EBNA1BP2: variants seen among roughly 807,000 people sequenced by gnomAD.
EBNA1BP2 encodes EBNA1 binding protein 2, also known as probable rRNA-processing protein EBP2.
In EBNA1BP2, 36 loss-of-function variants were observed where a neutral mutation model predicts 43.5. The ratio of observed to expected loss-of-function variants is 0.83; its 90% CI spans 0.63 to 1.09. The LOEUF (loss-of-function observed/expected upper bound fraction) is 1.09, where lower values mean the gene tolerates loss of function less well. Among genes scored for constraint, EBNA1BP2 ranks in the 50% least tolerant of loss-of-function variants. EBNA1BP2 has a pLI of 0.00. For missense variants in EBNA1BP2, 332 were observed against 379.1 expected (o/e 0.88, Z 1.03); for synonymous variants, 127 against 141.3 (o/e 0.90, Z 0.72).
Position 43,164,722 on chromosome 1 carries a change from C to T in EBNA1BP2, c.791G>A (p.Ser264Asn). The T allele has an allele frequency of 1.2e-6, 2 of 1,614,224 alleles. No homozygotes were observed. Among genetic ancestry groups the T allele is most frequent in the Non-Finnish European group, 1.7e-6 (2 of 1,180,042 alleles). The change falls in exon 8 of 9, where the codon AGC (serine) becomes AAC (asparagine). Residue 264 changes from serine (S) to asparagine (N), a missense_variant. Ser to Asn is a conservative substitution (Grantham distance 46). This residue lies in a region of EBNA1BP2 where 59 missense variants were observed against 53.3 expected (regional missense o/e 1.11). Coordinates refer to ENST00000236051, the MANE Select transcript of EBNA1BP2 (RefSeq NM_006824.3). ...KKGSKWNTRE[S>N]YDDVSSFRAK... is the part of the protein sequence containing the mutation. ...CCGGAAGCTAGATACATCATCATAG[C>T]TCTCCCGAGTGTTCCACTTTGAGCC...
chr1:43,171,132 A>C (rs2124172588), intron 3 of EBNA1BP2: 1 of 483,132 alleles, frequency 2.1e-6, no homozygotes, highest in African/African-American at 2.0e-5. Flanking sequence ...GTACCCATTA[A>C]CACAAACGAA....
At chr1:43,165,498 C>G (rs954788157) in intron 7 of EBNA1BP2, among the ~76,000 whole-genome samples, 8 of 152,234 alleles carry the variant, frequency 5.3e-5, no homozygotes, top group African/African-American at 1.9e-4. Flanking sequence ...CATTTCACCT[C>G]TTAAATGTTT....
At position 43,170,877 on chromosome 1, in the gene EBNA1BP2, T is replaced by TA. The variant is rs761581691; in HGVS notation, c.325dup (p.Tyr109LeufsTer27). 6.4e-7 allele frequency: 1 copy of TA among 1,567,316 alleles called. No homozygotes were observed. The highest frequency in any genetic ancestry group is 8.6e-7 in the Non-Finnish European group (1 of 1,163,130). ...AAGCACTGCGGCCTGGGCTTGGCGATAGCTGAGAATCGTAGGACAAAATGT... is the reference window on the plus strand; with the variant it reads ...AAGCACTGCGGCCTGGGCTTGGCGATAAGCTGAGAATCGTAGGACAAAATGT... On this transcript the variant is annotated frameshift_variant and splice_region_variant, in exon 4 of 9. Coordinates refer to ENST00000236051, the MANE Select transcript of EBNA1BP2 (RefSeq NM_006824.3). LOFTEE classifies it high-confidence loss of function.
chr1:43,172,262 C>T lies in EBNA1BP2; in HGVS notation c.-144G>A. On this transcript the variant is annotated 5_prime_UTR_variant, in exon 1 of 9. Coordinates refer to ENST00000236051, the MANE Select transcript of EBNA1BP2 (RefSeq NM_006824.3). ...TGGCTCCACGTGCCACCGAATCGCT[C>T]CAGCGCCAGCAACTCACAGCTACTG... is the stretch of plus-strand genomic sequence containing the variant. The T allele has an allele frequency of 6.4e-7, 1 of 1,554,658 alleles. No homozygotes were observed. The highest frequency in any genetic ancestry group is 8.7e-7 in the Non-Finnish European group (1 of 1,148,338).
intron 2 of EBNA1BP2, 108 bp downstream of exon 2, chr1:43,171,778 C>T: frequency 1.3e-6 from 2 of 1,563,396 alleles, no homozygotes; most frequent in Non-Finnish European, 1.7e-6. Flanking sequence ...ACCCTCTTGG[C>T]GAGGCGCAGG....
In EBNA1BP2 at chr1:43,166,808, T is replaced by C. The variant is rs190559282; in HGVS notation, c.707+18A>G. 8.7e-5 allele frequency: 140 copies of C among 1,601,720 alleles called. 1 individual carries two copies. In the Middle Eastern group the frequency reaches 1.2e-3, roughly 13 times the overall value. On this transcript the variant is annotated intron_variant, in intron 7 of 8. Transcript: ENST00000236051. Reference sequence around the variant, plus strand: ...GCACCTCACAGAACCAAAGAAACCATGCCAAAACCCTTCTCACCCCTTCCT... The same window carrying C: ...GCACCTCACAGAACCAAAGAAACCACGCCAAAACCCTTCTCACCCCTTCCT...
rs777952166 is a variant in EBNA1BP2, at chr1:43,172,253, C to T, written c.-135G>A. 4.4e-5 allele frequency: 68 copies of T among 1,557,410 alleles called. No individual in the cohort carries two copies. The highest frequency in any genetic ancestry group is 1.7e-4 in the Middle Eastern group (1 of 6,014). ...CCCACGCCGTGGCTCCACGTGCCAC[C>T]GAATCGCTCCAGCGCCAGCAACTCA... On this transcript the variant is annotated 5_prime_UTR_variant, in exon 1 of 9. Transcript: ENST00000236051.
intron 3 of EBNA1BP2, 39 bp from the exon 4 acceptor site, chr1:43,170,918 A>C: frequency 6.6e-7 from 1 of 1,516,492 alleles, no homozygotes; most frequent in Non-Finnish European, 8.8e-7. Context: ...GAGGTGAAGG[A>C]GGAGGCCTTA....
At chr1:43,165,873 G>A (rs937209424) in intron 7 of EBNA1BP2, among the ~76,000 whole-genome samples, 7 of 152,000 alleles carry the variant, frequency 4.6e-5, no homozygotes, top group Non-Finnish European at 8.8e-5. Flanking sequence ...TTCTATTCTC[G>A]TGGTTAATTC....
At chr1:43,172,310 C>T (rs1051662945), upstream of EBNA1BP2, 21 of 1,551,658 alleles carry the variant, frequency 1.4e-5, no homozygotes, top group Non-Finnish European at 1.6e-5. Context: ...TTGGGACTTC[C>T]GCTTCCGGCG....
intron 3 of EBNA1BP2, 108 bp downstream of exon 3, chr1:43,171,371 T>G: frequency 1.5e-6 from 2 of 1,354,498 alleles, no homozygotes; most frequent in South Asian, 3.3e-5. Context: ...AAGAAGCCGC[T>G]CTCTCTACTC....
chr1:43,164,579 G>A (rs1403070902), intron 8 of EBNA1BP2, 64 bp downstream of exon 8: 1 of 1,613,712 alleles, frequency 6.2e-7, no homozygotes, highest in African/African-American at 1.3e-5. Context: ...AAGGGAGAGG[G>A]CAGGGTTGGG....
chr1:43,166,460 T>C (rs1447889201), intron 7 of EBNA1BP2, among the ~76,000 whole-genome samples: 1 of 152,038 alleles, frequency 6.6e-6, no homozygotes, highest in Non-Finnish European at 1.5e-5. Context: ...AATACAAAAA[T>C]TAGCTGGGTG....
In EBNA1BP2 at chr1:43,164,733, G is replaced by A. The variant is rs1644907433; in HGVS notation, c.780C>T (p.Asn260=). 4 of 1,614,082 alleles carry A rather than the reference G, an allele frequency of 2.5e-6. No individual in the cohort carries two copies. In the African/African-American group the frequency reaches 5.3e-5, roughly 22 times the overall value. Reference sequence around the variant, plus strand: ...ATACATCATCATAGCTCTCCCGAGTGTTCCACTTTGAGCCTTTCTTCTTTC... The same window carrying A: ...ATACATCATCATAGCTCTCCCGAGTATTCCACTTTGAGCCTTTCTTCTTTC... ...FGGKKKGSKW[N]TRESYDDVSS... is the part of the protein sequence containing the mutation. Residue 260 remains asparagine, a synonymous_variant, in exon 8 of 9, where the codon AAC becomes AAT. Transcript: ENST00000236051.
chr1:43,164,650 C>A lies in EBNA1BP2; in HGVS notation c.863G>T (p.Gly288Val). ...GCACCTGGGCTCACTTACATTTGACCCTTTCTTGCCAGGCCTCTTGAGGCC... is the reference window on the plus strand; with the variant it reads ...GCACCTGGGCTCACTTACATTTGACACTTTCTTGCCAGGCCTCTTGAGGCC... ...GRGLKRPGKK[G>V]SNKRPGKRTR... The change falls in exon 8 of 9, where the codon GGG becomes GTG. Residue 288 changes from glycine (G) to valine (V), a missense_variant. By Grantham distance (109) the Gly-to-Val change is moderately radical. Coordinates refer to ENST00000236051, the MANE Select transcript of EBNA1BP2 (RefSeq NM_006824.3). The A allele has an allele frequency of 1.2e-6, 2 of 1,614,174 alleles. No homozygotes were observed. The highest frequency in any genetic ancestry group is 1.7e-6 in the Non-Finnish European group (2 of 1,180,038).
At chr1:43,171,706 C>T in intron 2 of EBNA1BP2, 55 bp from the exon 3 acceptor site, 1 of 1,595,894 alleles carries the variant, frequency 6.3e-7, no homozygotes, top group Non-Finnish European at 8.5e-7. Flanking sequence ...TTGTCTTTCC[C>T]AAGCACAGGC....
chr1:43,167,539 G>GT (rs1372356109), intron 5 of EBNA1BP2, among the ~76,000 whole-genome samples: 1 of 152,182 alleles, frequency 6.6e-6, no homozygotes, highest in Non-Finnish European at 1.5e-5. Flanking sequence ...GACCCAGGCT[G>GT]TTTGACTCCA....
intron 5 of EBNA1BP2, among the ~76,000 whole-genome samples, chr1:43,168,559 T>C (rs759688709): frequency 6.6e-6 from 1 of 152,206 alleles, no homozygotes; most frequent in South Asian, 2.1e-4. Context: ...CAGAATCACC[T>C]GGAAAGCTTT....
intron 4 of EBNA1BP2, 95 bp from the exon 5 acceptor site, chr1:43,169,123 T>A (rs1557709672): frequency 7.8e-7 from 1 of 1,284,032 alleles, no homozygotes; most frequent in Non-Finnish European, 1.1e-6. Context: ...TCCCTGTTCT[T>A]TAAACTGCGG....
Sources: gnomAD v4.1 joint callset for allele counts (sites outside exome capture counted in the v4.1 genomes callset) on GRCh38, gnomAD v4.1.1 for gene constraint, gnomAD v4.1.1 regional missense constraint, MANE v1.5 for transcripts, NCBI Gene and HGNC (gene_info 2026-07-23, HGNC 2026-07-21) for gene names.